The following ZBTB16 variants were observed in gnomAD, a reference collection of about 807,000 sequenced individuals.
ZBTB16 encodes zinc finger and BTB domain containing 16.
In ZBTB16, 8 loss-of-function variants were observed where a neutral mutation model predicts 56.8. The ratio of observed to expected loss-of-function variants is 0.14; its 90% CI spans 0.08 to 0.25. The LOEUF (loss-of-function observed/expected upper bound fraction) is 0.25, where lower values mean the gene tolerates loss of function less well. Ranked by LOEUF, ZBTB16 falls within the 10% of genes least tolerant of loss-of-function variation. The pLI, the probability that ZBTB16 is intolerant of heterozygous loss-of-function variation, is 1.00. For missense variants in ZBTB16, 625 were observed against 903.0 expected (o/e 0.69, Z 3.95); for synonymous variants, 363 against 368.5 (o/e 0.98, Z 0.17).
chr11:114,182,117 T>C (rs1393413671), intron 3 of ZBTB16, among the ~76,000 whole-genome samples: 6 of 152,230 alleles, frequency 3.9e-5, no homozygotes, highest in Non-Finnish European at 7.3e-5. Context: ...AATGGTGTGA[T>C]CTCAGCTCAC....
At chr11:114,081,533 TG>T (rs1939758999) in intron 2 of ZBTB16, among the ~76,000 whole-genome samples, 1 of 152,228 alleles carries the variant, frequency 6.6e-6, no homozygotes, top group Non-Finnish European at 1.5e-5. Context: ...TACTGTCTGC[TG>T]GGCACCTGGG....
chr11:114,187,133 G>A, intron 4 of ZBTB16, 95 bp downstream of exon 4: 1 of 1,181,794 alleles, frequency 8.5e-7, no homozygotes, highest in East Asian at 2.3e-5. Flanking sequence ...TTTAGCAAAT[G>A]TGACATCCAG....
intron 2 of ZBTB16, among the ~76,000 whole-genome samples, chr11:114,072,105 AT>A (rs1164284375): frequency 2.0e-5 from 3 of 152,262 alleles, no homozygotes; most frequent in African/African-American, 7.2e-5. Flanking sequence ...GAAGTAGGTC[AT>A]GCTAGCCATG....
chr11:114,148,202 G>A (rs1298007808), intron 2 of ZBTB16, among the ~76,000 whole-genome samples: 1 of 151,994 alleles, frequency 6.6e-6, no homozygotes, highest in Non-Finnish European at 1.5e-5. Flanking sequence ...ATTCGGTGTG[G>A]TCATGGCCCC....
At chr11:114,072,603 T>C (rs1304556175) in intron 2 of ZBTB16, among the ~76,000 whole-genome samples, 1 of 152,140 alleles carries the variant, frequency 6.6e-6, no homozygotes, top group African/African-American at 2.4e-5. Flanking sequence ...CAGCAGACAT[T>C]GTTTTGAGTG....
chr11:114,127,219 C>T (rs915550459), intron 2 of ZBTB16, among the ~76,000 whole-genome samples: 2 of 152,170 alleles, frequency 1.3e-5, no homozygotes, highest in African/African-American at 4.8e-5. Context: ...ATGTGCCCTC[C>T]TGGTGCAGCT....
intron 2 of ZBTB16, among the ~76,000 whole-genome samples, chr11:114,105,540 C>T (rs919670781): frequency 1.3e-5 from 2 of 152,158 alleles, no homozygotes; most frequent in East Asian, 3.8e-4. Context: ...GCGCCCGACC[C>T]AATTCTCTTG....
intron 4 of ZBTB16, chr11:114,209,609 G>C: frequency 1.0e-6 from 1 of 985,408 alleles, no homozygotes; most frequent in Non-Finnish European, 1.2e-6. Flanking sequence ...GCCTCCCTGG[G>C]GGGCTCTCCT....
intron 2 of ZBTB16, among the ~76,000 whole-genome samples, chr11:114,146,566 G>A (rs1415735740): frequency 2.0e-5 from 3 of 152,078 alleles, no homozygotes; most frequent in Non-Finnish European, 4.4e-5. Flanking sequence ...CTCAGTTGGG[G>A]CTAGGCACGG....
intron 3 of ZBTB16, among the ~76,000 whole-genome samples, chr11:114,157,831 G>A (rs747184840): frequency 5.9e-5 from 9 of 152,078 alleles, no homozygotes; most frequent in Non-Finnish European, 8.8e-5. Flanking sequence ...CTCTCTCAGC[G>A]CGTCTACTGT....
intron 4 of ZBTB16, among the ~76,000 whole-genome samples, chr11:114,223,416 G>A (rs943718667): frequency 6.6e-6 from 1 of 152,194 alleles, no homozygotes; most frequent in African/African-American, 2.4e-5. Flanking sequence ...AGAGAGGAGA[G>A]TAAGCCAGCA....
chr11:114,183,786 G>A (rs1180721490), intron 3 of ZBTB16, among the ~76,000 whole-genome samples: 1 of 152,232 alleles, frequency 6.6e-6, no homozygotes, highest in Non-Finnish European at 1.5e-5. Context: ...TCCCATCCAG[G>A]CCCACTCTGC....
chr11:114,163,036 CA>C (rs1201838003), intron 3 of ZBTB16, among the ~76,000 whole-genome samples: 1 of 152,174 alleles, frequency 6.6e-6, no homozygotes, highest in Admixed American at 6.5e-5. Flanking sequence ...GTACCCAAAG[CA>C]GAAATTAATG....
At chr11:114,234,363 T>C (rs1411894142) in intron 4 of ZBTB16, among the ~76,000 whole-genome samples, 1 of 152,216 alleles carries the variant, frequency 6.6e-6, no homozygotes, top group East Asian at 1.9e-4. Context: ...TCAAAGCTAA[T>C]TGAGTTTGAG....
At chr11:114,186,500 T>G (rs1943363508) in intron 3 of ZBTB16, among the ~76,000 whole-genome samples, 2 of 152,132 alleles carry the variant, frequency 1.3e-5, no homozygotes, top group African/African-American at 4.8e-5. Context: ...TGAGTTTAGT[T>G]TTGGACACAC....
intron 3 of ZBTB16, among the ~76,000 whole-genome samples, chr11:114,182,894 G>T (rs542084311): frequency 1.3e-5 from 2 of 152,326 alleles, no homozygotes; most frequent in African/African-American, 4.8e-5. Context: ...TTGATTAACA[G>T]ATGAGGCCTC....
At chr11:114,228,921 G>GCTGTCCCTC (rs935472831) in intron 4 of ZBTB16, among the ~76,000 whole-genome samples, 2 of 152,176 alleles carry the variant, frequency 1.3e-5, no homozygotes, top group South Asian at 4.1e-4. Context: ...CCTGGTGTCA[G>GCTGTCCCTC]CTGTCCCTCC....
chr11:114,233,121 ACACACTCT>A (rs1368279475), intron 4 of ZBTB16, among the ~76,000 whole-genome samples: 2,582 of 58,846 alleles, frequency 0.044, 94 homozygotes, highest in Middle Eastern at 0.087. Flanking sequence ...ACACACACAC[ACACACTCT>A]CTCTCTCTCA....
At chr11:114,199,720 G>A (rs1017685632) in intron 4 of ZBTB16, among the ~76,000 whole-genome samples, 9 of 152,168 alleles carry the variant, frequency 5.9e-5, no homozygotes, top group African/African-American at 1.9e-4. Context: ...TGGTTCCAAG[G>A]ACAGCCTAAG....
Sources: gnomAD v4.1 joint callset for allele counts (sites outside exome capture counted in the v4.1 genomes callset) on GRCh38, gnomAD v4.1.1 for gene constraint, MANE v1.5 for transcripts, NCBI Gene and HGNC (gene_info 2026-07-23, HGNC 2026-07-21) for gene names.